The following NCOA1 variants were observed in gnomAD, a reference collection of about 807,000 sequenced individuals.
The protein encoded by NCOA1 is nuclear receptor coactivator 1.
Under a neutral mutation model 150.9 loss-of-function variants are expected in NCOA1, and 35 were observed. That is an observed-to-expected ratio of 0.23 (90% CI 0.18 to 0.31). The LOEUF is 0.31. Ranked by LOEUF, NCOA1 falls within the 10% of genes least tolerant of loss-of-function variation. NCOA1 has a pLI of 1.00. For synonymous variants in NCOA1, 590 were observed against 630.0 expected, an observed-to-expected ratio of 0.94 and a Z score of 0.95; for missense variants, 1,491 against 1,749.3, an observed-to-expected ratio of 0.85 and a Z score of 2.63.
At chr2:24,538,829 A>T (rs2148188217) in intron 1 of NCOA1, among the ~76,000 whole-genome samples, 1 of 152,292 alleles carries the variant, frequency 6.6e-6, no homozygotes, top group East Asian at 1.9e-4. Context: ...TCTGTCCTCA[A>T]GGAGATTACA....
chr2:24,523,630 A>AAAAG (rs70947824), intron 1 of NCOA1, among the ~76,000 whole-genome samples: 3 of 132,222 alleles, frequency 2.3e-5, no homozygotes, highest in African/African-American at 8.4e-5. Flanking sequence ...AAAAAAAAAA[A>AAAAG]GAAACTGGGC....
intron 11 of NCOA1, among the ~76,000 whole-genome samples, chr2:24,700,138 C>G (rs532565408): frequency 1.2e-3 from 172 of 139,762 alleles, no homozygotes; most frequent in Non-Finnish European, 2.0e-3. Flanking sequence ...AGCGAAACTT[C>G]ATCGCTAATA....
chr2:24,589,580 G>A (rs760547019), intron 3 of NCOA1, among the ~76,000 whole-genome samples: 1 of 151,584 alleles, frequency 6.6e-6, no homozygotes, highest in Non-Finnish European at 1.5e-5. Flanking sequence ...TTTTGGAGTG[G>A]CTATCTCCAG....
At chr2:24,765,487 A>G (rs1665016005) in intron 22 of NCOA1, among the ~76,000 whole-genome samples, 1 of 149,926 alleles carries the variant, frequency 6.7e-6, no homozygotes, top group Non-Finnish European at 1.5e-5. Context: ...CGACAGAGCA[A>G]GACTCTGTCT....
At chr2:24,629,062 A>G (rs770568050) in intron 3 of NCOA1, among the ~76,000 whole-genome samples, 1 of 152,166 alleles carries the variant, frequency 6.6e-6, no homozygotes, top group African/African-American at 2.4e-5. Context: ...TTTGGGTAGC[A>G]GCAGTTGAAT....
At chr2:24,711,274 C>T (rs1438792522) in intron 14 of NCOA1, 163 bp downstream of exon 14, 4 of 629,950 alleles carry the variant, frequency 6.3e-6, no homozygotes, top group Non-Finnish European at 5.1e-6. Flanking sequence ...ATGTGAACAT[C>T]ATTCATCATG....
At chr2:24,618,643 C>G (rs1484144688) in intron 3 of NCOA1, among the ~76,000 whole-genome samples, 1 of 152,126 alleles carries the variant, frequency 6.6e-6, no homozygotes, top group African/African-American at 2.4e-5. Context: ...CAGGCCTTCA[C>G]AAATCTGTGC....
At chr2:24,509,768 G>C (rs1382746320) in intron 1 of NCOA1, among the ~76,000 whole-genome samples, 1 of 152,186 alleles carries the variant, frequency 6.6e-6, no homozygotes, top group Non-Finnish European at 1.5e-5. Context: ...CAGAGAGAAA[G>C]AGTATAGTCA....
At chr2:24,585,626 GTATT>G (rs1165558564) in intron 3 of NCOA1, among the ~76,000 whole-genome samples, 1 of 151,878 alleles carries the variant, frequency 6.6e-6, no homozygotes, top group African/African-American at 2.4e-5. Flanking sequence ...ATATTTTTAA[GTATT>G]TAATCTTTCA....
chr2:24,618,417 A>G (rs1431869383), intron 3 of NCOA1, among the ~76,000 whole-genome samples: 1 of 152,226 alleles, frequency 6.6e-6, no homozygotes, highest in Non-Finnish European at 1.5e-5. Flanking sequence ...AAAACCATCA[A>G]GAACAGAGGA....
At chr2:24,579,093 G>T (rs1230384905) in intron 2 of NCOA1, among the ~76,000 whole-genome samples, 1 of 152,042 alleles carries the variant, frequency 6.6e-6, no homozygotes, top group Admixed American at 6.6e-5. Flanking sequence ...AGTTAAAAAA[G>T]AATTTAAAAC....
At chr2:24,520,603 G>C (rs11895918) in intron 1 of NCOA1, among the ~76,000 whole-genome samples, 22,449 of 152,146 alleles carry the variant, frequency 0.15, 1,991 homozygotes, top group Non-Finnish European at 0.2. Context: ...TGAGCACAGG[G>C]AAGTGTGGGA....
At chr2:24,736,536 A>C (rs1663313989) in intron 17 of NCOA1, among the ~76,000 whole-genome samples, 1 of 152,230 alleles carries the variant, frequency 6.6e-6, no homozygotes, top group African/African-American at 2.4e-5. Flanking sequence ...AGAAAACAGA[A>C]TTAGGATTAA....
chr2:24,506,102 A>G (rs541972628), intron 1 of NCOA1, among the ~76,000 whole-genome samples: 16 of 151,918 alleles, frequency 1.1e-4, no homozygotes, highest in African/African-American at 2.9e-4. Context: ...CAGTTGCCCA[A>G]TTTGCTTGTG....
chr2:24,757,732 C>G (rs772092617), intron 20 of NCOA1, among the ~76,000 whole-genome samples: 1 of 151,974 alleles, frequency 6.6e-6, no homozygotes, highest in Non-Finnish European at 1.5e-5. Flanking sequence ...ATGATTGTAG[C>G]CTAGCATCTC....
At chr2:24,645,635 G>A (rs1670436308) in intron 4 of NCOA1, among the ~76,000 whole-genome samples, 1 of 152,012 alleles carries the variant, frequency 6.6e-6, no homozygotes, top group South Asian at 2.1e-4. Context: ...GAAATGCTTG[G>A]GACTAGAAGT....
At chr2:24,693,471 C>T (rs929638981) in intron 10 of NCOA1, 124 bp downstream of exon 10, 1 of 771,784 alleles carries the variant, frequency 1.3e-6, no homozygotes. Flanking sequence ...TAGTCTTATA[C>T]AGAAAACATT....
At chr2:24,763,626 T>TC (rs1350105128) in intron 22 of NCOA1, among the ~76,000 whole-genome samples, 1 of 144,326 alleles carries the variant, frequency 6.9e-6, no homozygotes, top group South Asian at 2.2e-4. Context: ...CTTTTTTTTT[T>TC]TTTTTTTTTT....
chr2:24,542,228 G>A (rs1172434319), intron 1 of NCOA1, among the ~76,000 whole-genome samples: 4 of 150,110 alleles, frequency 2.7e-5, no homozygotes, highest in African/African-American at 7.3e-5. Flanking sequence ...TGTTGAAAAT[G>A]TAGCTAAATT....
Sources: allele counts gnomAD v4.1 joint callset (sites outside exome capture counted in the v4.1 genomes callset), GRCh38; gene constraint gnomAD v4.1.1; transcripts MANE v1.5; gene names NCBI Gene and HGNC (gene_info 2026-07-23, HGNC 2026-07-21).